PSG2: variants seen among roughly 807,000 people sequenced by gnomAD.
PSG2 encodes pregnancy-specific beta-1-glycoprotein 2.
In PSG2, 49 loss-of-function variants were observed where a neutral mutation model predicts 36.2. The observed-to-expected ratio is 1.35, with a 90% CI of 1.08 to 1.72. The LOEUF is 1.72. Among genes scored for constraint, PSG2 ranks in the 40% most tolerant of loss-of-function variants. PSG2 has a pLI of 0.00. For synonymous variants in PSG2, 261 were observed against 155.6 expected (o/e 1.68, Z -5.04); for missense variants, 605 against 407.2 (o/e 1.49, Z -4.18).
rs1474005952 is a variant in PSG2 at position 43,081,392 on chromosome 19, CACACACA to C, written c.65-153_65-147del. 7.7e-5 allele frequency: 92 copies of C among 1,202,154 alleles called. 1 individual carries two copies. The African/African-American group carries it at 1.3e-3, about 17-fold the overall frequency. The allele number at this position is 1,202,154 out of a possible 1,614,324, so 74.5% of individuals were successfully genotyped here. On this transcript the variant is annotated intron_variant, in intron 1 of 5. Transcript: ENST00000406487. ...ACACACACACACACACACACACACACACACACAAAAGGGGCATGTGTGTTTGTATGTG... is the reference window on the plus strand; with the variant it reads ...ACACACACACACACACACACACACACAAAGGGGCATGTGTGTTTGTATGTG...
intron 4 of PSG2, among the ~76,000 whole-genome samples, chr19:43,068,093 C>T (rs1252554420): frequency 1.3e-5 from 2 of 151,266 alleles, no homozygotes; most frequent in Non-Finnish European, 2.9e-5. Flanking sequence ...CAACCATTAA[C>T]TAGATTGACT....
chr19:43,079,251 G>A (rs898004170), intron 2 of PSG2, among the ~76,000 whole-genome samples: 32 of 151,428 alleles, frequency 2.1e-4, no homozygotes, highest in Admixed American at 1.1e-3. Context: ...AGACCCCAGG[G>A]ACCAGCTGCC....
At position 43,068,398 on chromosome 19, in the gene PSG2, A is replaced by T. The variant is rs528593661; in HGVS notation, c.965-1798T>A. ...AGGCTGCAGTGAGCCATAATCACAC[A>T]ACTGTATTCCATCCTGGGCTGGCCT... is the stretch of plus-strand genomic sequence containing the variant. On this transcript the variant is annotated intron_variant, in intron 4 of 5. Coordinates refer to ENST00000406487, the MANE Select transcript of PSG2 (RefSeq NM_031246.4). Among the ~76,000 whole-genome samples, 14 of 151,038 alleles carry T rather than the reference A, an allele frequency of 9.3e-5. 1 individual carries two copies. In the East Asian group the frequency reaches 1.2e-3, roughly 13 times the overall value.
intron 2 of PSG2, among the ~76,000 whole-genome samples, chr19:43,077,637 A>G (rs1429339212): frequency 1.3e-5 from 2 of 151,744 alleles, no homozygotes; most frequent in Non-Finnish European, 2.9e-5. Flanking sequence ...AAACCATCAG[A>G]TAGCACCCAC....
intron 2 of PSG2, among the ~76,000 whole-genome samples, chr19:43,076,701 G>A (rs1967901052): frequency 6.6e-6 from 1 of 151,648 alleles, no homozygotes. Context: ...TTCTGTGGGT[G>A]TGCGGTTCCA....
At chr19:43,068,635 T>C (rs563544485) in intron 4 of PSG2, among the ~76,000 whole-genome samples, 6 of 151,790 alleles carry the variant, frequency 4.0e-5, no homozygotes, top group Admixed American at 6.6e-5. Context: ...CTATAATCAC[T>C]AATAAGATTG....
intron 5 of PSG2, among the ~76,000 whole-genome samples, chr19:43,065,079 C>G (rs1406937532): frequency 4.0e-5 from 6 of 151,734 alleles, no homozygotes; most frequent in African/African-American, 1.5e-4. Context: ...TCGTGATCTA[C>G]CCACCTCGGC....
At chr19:43,081,462 G>A (rs1015817610) in intron 1 of PSG2, among the ~76,000 whole-genome samples, 4 of 151,014 alleles carry the variant, frequency 2.6e-5, no homozygotes, top group Non-Finnish European at 5.9e-5. Flanking sequence ...CTAGGTCAAG[G>A]TCAGCAGCAT....
rs371888689 is a variant in PSG2 at position 43,081,124 on chromosome 19, T to A, written c.187A>T (p.Thr63Ser). The change falls in exon 2 of 6, where the codon ACT becomes TCT. Residue 63 changes from threonine (T) to serine (S), a missense_variant. Thr to Ser is a moderately conservative substitution (Grantham distance 58, BLOSUM62 1). Transcript: ENST00000406487. ...LLVHNLPQNL[T>S]GYIWYKGQIR... ...TGCCCTTTGTACCAGATGTAGCCAG[T>A]AAGATTCTGGGGCAAATTGTGGACA... 1.2e-4 allele frequency: 191 copies of A among 1,612,706 alleles called. No homozygotes were observed. The highest frequency in any genetic ancestry group is 4.2e-4 in the Admixed American group (25 of 59,912).
intron 4 of PSG2, 136 bp from the exon 5 acceptor site, chr19:43,066,736 A>G (rs1308889638): frequency 2.2e-6 from 3 of 1,350,202 alleles, no homozygotes; most frequent in Non-Finnish European, 3.0e-6. Context: ...TGGAATATTG[A>G]TGGGAGATGA....
At chr19:43,079,686 T>A (rs1301915149) in intron 2 of PSG2, among the ~76,000 whole-genome samples, 2 of 151,624 alleles carry the variant, frequency 1.3e-5, no homozygotes, top group African/African-American at 4.9e-5. Flanking sequence ...CTGCTCATGT[T>A]TTTTGCACTG....
intron 5 of PSG2, among the ~76,000 whole-genome samples, chr19:43,065,065 G>A (rs1195161590): frequency 1.3e-5 from 2 of 151,644 alleles, no homozygotes; most frequent in African/African-American, 4.9e-5. Flanking sequence ...TCGATCTCCT[G>A]ACCTCGTGAT....
chr19:43,067,909 C>A (rs10401404), intron 4 of PSG2, among the ~76,000 whole-genome samples: 26,055 of 150,552 alleles, frequency 0.17, 4,058 homozygotes, highest in African/African-American at 0.4. Context: ...CTCAGATCAA[C>A]AACCTACTTT....
At chr19:43,072,688 A>G in intron 3 of PSG2, 1 of 1,592,296 alleles carries the variant, frequency 6.3e-7, no homozygotes, top group Non-Finnish European at 8.6e-7. Context: ...CTCCACAGGC[A>G]TCCTTCAATC....
rs1967710486 is a variant in PSG2 at position 43,064,330 on chromosome 19, A to G, written c.*312T>C. The G allele has an allele frequency of 1.5e-5, 4 of 274,714 alleles. No homozygotes were observed. Among genetic ancestry groups the G allele is most frequent in the Non-Finnish European group, 2.9e-5 (4 of 139,228 alleles). The allele number at this position is 274,714 out of a possible 1,614,324, so 17.0% of individuals were successfully genotyped here. The stretch of plus-strand genomic sequence containing the variant: ...TTTCAATTTTTGTTTACAAAAGTAT[A>G]CTTTACCAATTGCTCAAGAAAAAAT... On this transcript the variant is annotated 3_prime_UTR_variant, in exon 6 of 6. Coordinates refer to ENST00000406487, the MANE Select transcript of PSG2 (RefSeq NM_031246.4).
At chr19:43,074,006 G>A (rs976021925) in intron 3 of PSG2, among the ~76,000 whole-genome samples, 2 of 151,432 alleles carry the variant, frequency 1.3e-5, no homozygotes, top group East Asian at 1.9e-4. Flanking sequence ...CTCTCACCAC[G>A]TTTCTGGCTT....
intron 4 of PSG2, 44 bp downstream of exon 4, chr19:43,071,656 C>G (rs769888859): frequency 6.2e-7 from 1 of 1,612,616 alleles, no homozygotes; most frequent in Non-Finnish European, 8.5e-7. Flanking sequence ...GCCAGATAGA[C>G]TCCACCTAAA....
chr19:43,071,355 G>A (rs181480502), intron 4 of PSG2, among the ~76,000 whole-genome samples: 1 of 151,022 alleles, frequency 6.6e-6, no homozygotes, highest in African/African-American at 2.5e-5. Context: ...AGAAAAAAAA[G>A]ACGTGGCAGA....
chr19:43,072,308 G>A (rs932268550), intron 3 of PSG2: 18 of 1,606,998 alleles, frequency 1.1e-5, no homozygotes, highest in Non-Finnish European at 1.4e-5. Flanking sequence ...CTGGTCATTT[G>A]GATTTAAGCT....
Sources: gnomAD v4.1 joint callset for allele counts (sites outside exome capture counted in the v4.1 genomes callset) on GRCh38, gnomAD v4.1.1 for gene constraint, MANE v1.5 for transcripts, NCBI Gene and HGNC (gene_info 2026-07-23, HGNC 2026-07-21) for gene names.